The following PIK3R1 variants were observed in gnomAD, a reference collection of about 807,000 sequenced individuals.
PIK3R1 encodes the protein phosphoinositide-3-kinase regulatory subunit 1.
A neutral mutation model predicts 98.0 loss-of-function variants in PIK3R1; 29 were observed. The observed-to-expected ratio is 0.30, with a 90% CI of 0.22 to 0.40. The LOEUF (loss-of-function observed/expected upper bound fraction) is 0.40. Among genes scored for constraint, PIK3R1 ranks in the 10% least tolerant of loss-of-function variants. The pLI is 1.00. For missense variants in PIK3R1, 596 were observed against 872.7 expected, an observed-to-expected ratio of 0.68 and a Z score of 3.99; for synonymous variants, 282 against 311.8, an observed-to-expected ratio of 0.90 and a Z score of 1.01.
At position 68,288,443 on chromosome 5, in the gene PIK3R1, C is replaced by T. The variant is rs1264289174; in HGVS notation, c.917-3816C>T. The T allele has an allele frequency of 3.9e-6, 5 of 1,269,668 alleles. No individual in the cohort carries two copies. The African/African-American group carries it at 4.7e-5, about 12-fold the overall frequency. 78.7% of individuals were successfully genotyped at this position (1,269,668 alleles called of 1,614,324 possible). ...TACAGTAGCGAAATCCAGTTGGCTT[C>T]TCAATGAGGAGCCGGCAGTGAGCGG... On this transcript the variant is annotated intron_variant, in intron 7 of 15. Transcript: ENST00000521381.
intron 15 of PIK3R1, 45 bp downstream of exon 15, chr5:68,296,386 G>GAT: frequency 6.6e-7 from 1 of 1,524,868 alleles, no homozygotes; most frequent in South Asian, 1.2e-5. Flanking sequence ...CTCATGAAGA[G>GAT]ATGTTTCATT....
At chr5:68,272,916 T>A (rs1235415985) in intron 2 of PIK3R1, among the ~76,000 whole-genome samples, 1 of 152,212 alleles carries the variant, frequency 6.6e-6, no homozygotes. Context: ...CAATAAAATC[T>A]GTCCCATCCT....
chr5:68,259,771 C>A (rs1454961790), intron 2 of PIK3R1, among the ~76,000 whole-genome samples: 4 of 152,162 alleles, frequency 2.6e-5, no homozygotes, highest in Admixed American at 6.5e-5. Flanking sequence ...AGCTGCCCCC[C>A]AAAAGGGGCA....
At chr5:68,234,336 A>G (rs1464248349) in intron 2 of PIK3R1, among the ~76,000 whole-genome samples, 1 of 152,264 alleles carries the variant, frequency 6.6e-6, no homozygotes, top group Non-Finnish European at 1.5e-5. Context: ...AATGCAACCC[A>G]GAAGCCCTGT....
chr5:68,293,583 C>G, intron 10 of PIK3R1, 100 bp downstream of exon 10: 2 of 1,207,270 alleles, frequency 1.7e-6, no homozygotes, highest in Non-Finnish European at 2.3e-6. Flanking sequence ...GTAATCAAGT[C>G]TAAAAAACTT....
chr5:68,301,491 T>TACGCAC lies in PIK3R1; in HGVS notation c.*3891_*3892insCGCACA, dbSNP rs1748096371. On this transcript the variant is annotated 3_prime_UTR_variant, in exon 16 of 16. Coordinates refer to ENST00000521381, the MANE Select transcript of PIK3R1 (RefSeq NM_181523.3). ...ATATGTATATACATATATGTATATA[T>TACGCAC]ATGCACATATATATATGTATTTAAA... is the stretch of plus-strand genomic sequence containing the variant. The TACGCAC allele has an allele frequency of 7.0e-6, 1 of 142,254 alleles. No homozygotes were observed. Among genetic ancestry groups the TACGCAC allele is most frequent in the South Asian group, 2.2e-4 (1 of 4,534 alleles). The allele number at this position is 142,254 out of a possible 1,614,324, so 8.8% of individuals were successfully genotyped here.
rs1746441461 is a variant in PIK3R1 at position 68,273,427 on chromosome 5, T to A, written c.372T>A (p.Pro124=). ...TLPDLAEQFA[P]PDIAPPLLIK... is the part of the protein sequence containing the mutation. The stretch of plus-strand genomic sequence containing the variant: ...CGGATCTTGCAGAGCAGTTTGCCCC[T>A]CCTGACATTGCCCCGCCTCTTCTTA... Residue 124 remains proline (P), a synonymous_variant, in exon 3 of 16, where the codon CCT becomes CCA. Coordinates refer to ENST00000521381, the MANE Select transcript of PIK3R1 (RefSeq NM_181523.3). 6.2e-7 allele frequency: 1 copy of A among 1,614,114 alleles called. No individual in the cohort carries two copies. The highest frequency in any genetic ancestry group is 8.5e-7 in the Non-Finnish European group (1 of 1,179,982).
At chr5:68,274,044 G>C in intron 4 of PIK3R1, 31 bp downstream of exon 4, 1 of 1,525,282 alleles carries the variant, frequency 6.6e-7, no homozygotes, top group Non-Finnish European at 9.1e-7. Context: ...AATGCAAATG[G>C]GAAAGACAGG....
chr5:68,246,827 A>T (rs745861267), intron 2 of PIK3R1, among the ~76,000 whole-genome samples: 1 of 152,134 alleles, frequency 6.6e-6, no homozygotes, highest in Non-Finnish European at 1.5e-5. Flanking sequence ...TTTCCTTTAC[A>T]AATCCAAAAT....
chr5:68,225,836 G>A (rs914801570), intron 1 of PIK3R1, among the ~76,000 whole-genome samples: 8 of 152,152 alleles, frequency 5.3e-5, no homozygotes, highest in Admixed American at 4.6e-4. Context: ...GGCTCCAGAC[G>A]GATTGGACTG....
In PIK3R1 at chr5:68,299,781, T is replaced by C. The variant is rs960818940; in HGVS notation, c.*2180T>C. On this transcript the variant is annotated 3_prime_UTR_variant, in exon 16 of 16. Transcript: ENST00000521381. ...AATCTGTGGAATGTATTATTTGTCCTCTTTACATGAAACTACTCATACTTA... is the reference window on the plus strand; with the variant it reads ...AATCTGTGGAATGTATTATTTGTCCCCTTTACATGAAACTACTCATACTTA... 1.7e-5 allele frequency: 4 copies of C among 233,244 alleles called. No homozygotes were observed. The highest frequency in any genetic ancestry group is 1.8e-4 in the South Asian group (1 of 5,532). 14.4% of individuals were successfully genotyped at this position (233,244 alleles called of 1,614,324 possible).
intron 1 of PIK3R1, among the ~76,000 whole-genome samples, chr5:68,216,186 C>T (rs1179390116): frequency 1.3e-5 from 2 of 152,158 alleles, no homozygotes; most frequent in East Asian, 3.9e-4. Flanking sequence ...ATCCTGACTC[C>T]CGTTTCCCCC....
intron 7 of PIK3R1, chr5:68,288,773 C>G (rs1450543967): frequency 6.2e-7 from 1 of 1,608,940 alleles, no homozygotes; most frequent in Non-Finnish European, 8.5e-7. Flanking sequence ...TGAATTTGTG[C>G]ACTTCTCTGT....
At chr5:68,286,435 C>T (rs749906917) in intron 7 of PIK3R1, among the ~76,000 whole-genome samples, 1 of 152,192 alleles carries the variant, frequency 6.6e-6, no homozygotes, top group Non-Finnish European at 1.5e-5. Flanking sequence ...CAAATTTGGA[C>T]ATACGAAATA....
intron 7 of PIK3R1, 79 bp from the exon 8 acceptor site, chr5:68,292,180 A>G: frequency 1.2e-6 from 1 of 805,086 alleles, no homozygotes; most frequent in Non-Finnish European, 2.0e-6. Flanking sequence ...TTATTTTTTT[A>G]AAGTAAAAGT....
Position 68,226,642 on chromosome 5 carries a change from G to C in PIK3R1, c.-34G>C, listed in dbSNP as rs776622915. The C allele has an allele frequency of 2.6e-6, 4 of 1,545,014 alleles. No homozygotes were observed. The East Asian group carries it at 9.0e-5, about 35-fold the overall frequency. On this transcript the variant is annotated 5_prime_UTR_variant, in exon 2 of 16. Transcript: ENST00000521381. ...AAAATCAGACTGCTCTGTACAACCA[G>C]GCTCAACTGTTGCATGGTAGCAGAT...
chr5:68,229,390 G>T (rs919612922), intron 2 of PIK3R1, among the ~76,000 whole-genome samples: 6 of 152,044 alleles, frequency 3.9e-5, no homozygotes. Context: ...TGATAGTTCT[G>T]TTCTATTCTT....
In PIK3R1 at chr5:68,280,585, G is replaced by C; in HGVS notation, c.692G>C (p.Ser231Thr). Reference sequence around the variant, plus strand: ...TTGAAGAAGCTTATTAGGTCGCCTAGCATACCTCATCAGTATTGGCTTACG... The same window carrying C: ...TTGAAGAAGCTTATTAGGTCGCCTACCATACCTCATCAGTATTGGCTTACG... Reference protein sequence around the residue: ...QLLKKLIRSPSIPHQYWLTLQ... With the variant: ...QLLKKLIRSPTIPHQYWLTLQ... Residue 231 changes from serine (S) to threonine (T), a missense_variant, in exon 6 of 16, where the codon AGC (serine) becomes ACC (threonine). Ser to Thr is a moderately conservative substitution (Grantham distance 58). Transcript: ENST00000521381. The C allele has an allele frequency of 6.2e-7, 1 of 1,613,196 alleles. No homozygotes were observed. The highest frequency in any genetic ancestry group is 1.1e-5 in the South Asian group (1 of 91,042).
intron 7 of PIK3R1, among the ~76,000 whole-genome samples, chr5:68,285,685 G>A (rs1236647421): frequency 6.6e-6 from 1 of 152,160 alleles, no homozygotes; most frequent in Non-Finnish European, 1.5e-5. Context: ...AAGATCTGAG[G>A]GAGAATTGCA....
Sources: allele counts gnomAD v4.1 joint callset (sites outside exome capture counted in the v4.1 genomes callset), GRCh38; gene constraint gnomAD v4.1.1; transcripts MANE v1.5; gene names NCBI Gene and HGNC (gene_info 2026-07-23, HGNC 2026-07-21).